SLC39A8: variants seen among roughly 807,000 people sequenced by gnomAD.
SLC39A8 encodes metal cation symporter ZIP8.
SLC39A8 carries 15 observed loss-of-function variants against 40.4 expected under a neutral mutation model. The observed-to-expected ratio is 0.37, with a 90% CI of 0.25 to 0.57. The LOEUF is 0.57. SLC39A8 is among the 20% of genes least tolerant of loss of function. The probability of loss-of-function intolerance (pLI) is 0.75; values close to 1 mark genes in which losing one functional copy is unlikely to be tolerated. For synonymous variants in SLC39A8, 223 were observed against 221.6 expected (o/e 1.01, Z -0.06); for missense variants, 472 against 558.8 (o/e 0.84, Z 1.57).
chr4:102,318,980 G>T (rs1423026699), intron 2 of SLC39A8, among the ~76,000 whole-genome samples: 1 of 152,126 alleles, frequency 6.6e-6, no homozygotes, highest in Non-Finnish European at 1.5e-5. Flanking sequence ...CTCTAAGTTT[G>T]AAGTTAAGCT....
intron 7 of SLC39A8, 61 bp downstream of exon 7, chr4:102,267,811 G>A: frequency 6.3e-7 from 1 of 1,582,392 alleles, no homozygotes; most frequent in Non-Finnish European, 8.6e-7. Context: ...CACCTGAAAA[G>A]TCTCATTCCA....
intron 2 of SLC39A8, among the ~76,000 whole-genome samples, chr4:102,342,670 AG>A (rs1481423098): frequency 6.6e-6 from 1 of 152,230 alleles, no homozygotes; most frequent in Non-Finnish European, 1.5e-5. Context: ...ATGAGAAAAC[AG>A]GTGTCAAGAT....
chr4:102,256,803 T>G (rs1195426711), downstream of SLC39A8, among the ~76,000 whole-genome samples: 1 of 152,174 alleles, frequency 6.6e-6, no homozygotes, highest in East Asian at 1.9e-4. Flanking sequence ...AACAAAGAAC[T>G]GCCATGCTCA....
At chr4:102,329,130 G>A (rs2149049937) in intron 2 of SLC39A8, among the ~76,000 whole-genome samples, 1 of 152,258 alleles carries the variant, frequency 6.6e-6, no homozygotes, top group African/African-American at 2.4e-5. Flanking sequence ...CAACTCTGAA[G>A]TAATGGGACT....
At chr4:102,276,197 G>A (rs1732609041) in intron 6 of SLC39A8, among the ~76,000 whole-genome samples, 3 of 152,098 alleles carry the variant, frequency 2.0e-5, no homozygotes, top group African/African-American at 7.2e-5. Context: ...GAATCCAGGA[G>A]CTGGTTTTTT....
intron 6 of SLC39A8, among the ~76,000 whole-genome samples, chr4:102,298,946 C>T (rs1030036803): frequency 2.0e-5 from 3 of 152,006 alleles, no homozygotes; most frequent in Admixed American, 2.0e-4. Flanking sequence ...ACAAGTAGAA[C>T]CTCAAGTCCT....
chr4:102,338,339 A>G (rs1178206599), intron 2 of SLC39A8, among the ~76,000 whole-genome samples: 1 of 151,550 alleles, frequency 6.6e-6, no homozygotes, highest in East Asian at 1.9e-4. Flanking sequence ...GGCACCCACC[A>G]CTACTCCCGG....
chr4:102,320,191 GTATATATATATGTA>G (rs1734856861), intron 2 of SLC39A8, among the ~76,000 whole-genome samples: 2 of 66,548 alleles, frequency 3.0e-5, no homozygotes, highest in Non-Finnish European at 3.2e-5. Context: ...ATATATATAT[GTATATATATATGTA>G]TATATATATG....
chr4:102,259,491 G>C, downstream of SLC39A8: 1 of 1,547,366 alleles, frequency 6.5e-7, no homozygotes. Context: ...GAGATTTGAT[G>C]TCATCAGTAG....
At chr4:102,338,817 A>C (rs1462699423) in intron 2 of SLC39A8, among the ~76,000 whole-genome samples, 3 of 152,216 alleles carry the variant, frequency 2.0e-5, no homozygotes, top group Non-Finnish European at 4.4e-5. Flanking sequence ...GAAGATAATA[A>C]TGGGACCTTT....
intron 6 of SLC39A8, among the ~76,000 whole-genome samples, chr4:102,270,328 T>C (rs1267291232): frequency 1.3e-5 from 2 of 152,224 alleles, no homozygotes; most frequent in Admixed American, 6.5e-5. Context: ...CTATTTATTA[T>C]GCCTCATGCT....
intron 6 of SLC39A8, among the ~76,000 whole-genome samples, chr4:102,281,642 T>C (rs936419738): frequency 2.0e-5 from 3 of 151,696 alleles, no homozygotes; most frequent in Non-Finnish European, 2.9e-5. Flanking sequence ...GTGGGGGTGA[T>C]AAGGAATAGG....
At chr4:102,267,733 T>C (rs1267274590) in intron 7 of SLC39A8, 59 bp from the exon 8 acceptor site, 18 of 1,526,562 alleles carry the variant, frequency 1.2e-5, no homozygotes, top group East Asian at 2.3e-5. Flanking sequence ...CTGGATGATA[T>C]CAAAGATAAT....
intron 6 of SLC39A8, among the ~76,000 whole-genome samples, chr4:102,286,475 T>A (rs1733184951): frequency 6.6e-6 from 1 of 152,090 alleles, no homozygotes; most frequent in Admixed American, 6.6e-5. Flanking sequence ...ATAGAACATG[T>A]TTAGATAGAT....
Position 102,268,093 on chromosome 4 carries a change from A to G in SLC39A8, c.841-14T>C. 6.2e-7 allele frequency: 1 copy of G among 1,613,374 alleles called. No individual in the cohort carries two copies. On this transcript the variant is annotated splice_polypyrimidine_tract_variant and intron_variant, in intron 6 of 8. Transcript: ENST00000356736. ...TTTTTTTCCATCCTAGCAGAAAATC[A>G]ATTAAAATGATAACCAACATTTCTT...
chr4:102,332,985 G>A (rs1012339239), intron 2 of SLC39A8, among the ~76,000 whole-genome samples: 28 of 152,080 alleles, frequency 1.8e-4, no homozygotes, highest in African/African-American at 6.3e-4. Context: ...ATGGACACAG[G>A]GAGGGGAACA....
In SLC39A8 at chr4:102,278,593, G is replaced by A. The variant is rs140439367; in HGVS notation, c.841-10514C>T. 3.3e-3 allele frequency among the ~76,000 whole-genome samples: 499 copies of A among 151,312 alleles called. 3 individuals are homozygous for A. The highest frequency in any genetic ancestry group is 6.3e-3 in the Admixed American group (96 of 15,182). On this transcript the variant is annotated intron_variant, in intron 6 of 8. Transcript: ENST00000356736. The stretch of plus-strand genomic sequence containing the variant: ...GAAGACAGTGTAGCAATTCCTCAAG[G>A]ATCTAGAACCAGAAATGCCATTTGA...
chr4:102,344,770 C>T lies in SLC39A8; in HGVS notation c.-108G>A, dbSNP rs1736097552. 7.5e-7 allele frequency: 1 copy of T among 1,330,032 alleles called. No individual in the cohort carries two copies. The highest frequency in any genetic ancestry group is 9.6e-7 in the Non-Finnish European group (1 of 1,045,206). The allele number at this position is 1,330,032 out of a possible 1,614,324, so 82.4% of individuals were successfully genotyped here. On this transcript the variant is annotated 5_prime_UTR_variant, in exon 2 of 9. Coordinates refer to ENST00000356736, the MANE Select transcript of SLC39A8 (RefSeq NM_001135146.2). ...AGGGCGGGAGCGTCAGTGCTCGGCG[C>T]TGCTCCGAGTCAGAGGTGGCGCGGG...
intron 2 of SLC39A8, among the ~76,000 whole-genome samples, chr4:102,318,474 A>G (rs1349608482): frequency 6.6e-6 from 1 of 152,210 alleles, no homozygotes; most frequent in Non-Finnish European, 1.5e-5. Flanking sequence ...ACAATTTTGG[A>G]CAGTGGCCTA....
Sources: gnomAD v4.1 joint callset for allele counts (sites outside exome capture counted in the v4.1 genomes callset) on GRCh38, gnomAD v4.1.1 for gene constraint, MANE v1.5 for transcripts, NCBI Gene and HGNC (gene_info 2026-07-23, HGNC 2026-07-21) for gene names.